Variants in GPR137C observed in about 807,000 individuals in gnomAD.
The protein encoded by GPR137C is integral membrane protein GPR137C.
In GPR137C, 27 loss-of-function variants were observed where a neutral mutation model predicts 43.4. That is an observed-to-expected ratio of 0.62 (90% CI 0.46 to 0.86). GPR137C has a LOEUF of 0.86. Ranked by LOEUF, GPR137C falls within the 40% of genes least tolerant of loss-of-function variation. The probability of loss-of-function intolerance (pLI) is 0.00; values close to 1 mark genes in which losing one functional copy is unlikely to be tolerated. For missense variants in GPR137C, 522 were observed against 534.6 expected (o/e 0.98, Z 0.23); for synonymous variants, 285 against 226.9 (o/e 1.26, Z -2.30).
At chr14:52,589,717 A>C (rs1243143469) in intron 1 of GPR137C, among the ~76,000 whole-genome samples, 1 of 152,204 alleles carries the variant, frequency 6.6e-6, no homozygotes, top group Non-Finnish European at 1.5e-5. Context: ...CTCACCCCAC[A>C]TACAACAGTG....
chr14:52,597,699 A>G (rs1380266501), intron 1 of GPR137C, among the ~76,000 whole-genome samples: 7 of 152,170 alleles, frequency 4.6e-5, no homozygotes, highest in African/African-American at 1.4e-4. Context: ...GTTTATTTCA[A>G]ATTTGGTTTA....
At chr14:52,609,474 GA>G in intron 3 of GPR137C, among the ~76,000 whole-genome samples, 2 of 152,276 alleles carry the variant, frequency 1.3e-5, no homozygotes, top group South Asian at 4.1e-4. Context: ...GTGGAAGTAT[GA>G]CGGTGTCTAC....
chr14:52,592,574 T>A (rs1477772499), intron 1 of GPR137C, among the ~76,000 whole-genome samples: 1 of 152,178 alleles, frequency 6.6e-6, no homozygotes, highest in Admixed American at 6.5e-5. Context: ...TTCTTAGGTA[T>A]TTTATTCTCT....
chr14:52,572,890 T>G (rs950127142), intron 1 of GPR137C, among the ~76,000 whole-genome samples: 3 of 152,196 alleles, frequency 2.0e-5, no homozygotes, highest in African/African-American at 7.2e-5. Flanking sequence ...ACAAGCAACT[T>G]CAGCAAAGTC....
At chr14:52,590,226 A>C (rs1313531580) in intron 1 of GPR137C, among the ~76,000 whole-genome samples, 1 of 151,778 alleles carries the variant, frequency 6.6e-6, no homozygotes, top group Non-Finnish European at 1.5e-5. Flanking sequence ...AAAAGTAAAA[A>C]ATAAAAATGA....
Position 52,598,324 on chromosome 14 carries a change from T to C in GPR137C, c.488+9T>C, listed in dbSNP as rs2038881358. On this transcript the variant is annotated intron_variant, in intron 2 of 6. Coordinates refer to ENST00000321662, the MANE Select transcript of GPR137C (RefSeq NM_001099652.2). ...GAACTTGACAGACACAAGTAAGTTT[T>C]ATGAGTATCTAAATTTCTATCTAAA... 1.7e-6 allele frequency: 2 copies of C among 1,207,528 alleles called. No individual in the cohort carries two copies. The highest frequency in any genetic ancestry group is 2.2e-5 in the Admixed American group (1 of 45,178). 74.8% of individuals were successfully genotyped at this position (1,207,528 alleles called of 1,614,324 possible).
intron 1 of GPR137C, among the ~76,000 whole-genome samples, chr14:52,585,776 A>G (rs572651097): frequency 6.6e-6 from 1 of 152,192 alleles, no homozygotes; most frequent in Non-Finnish European, 1.5e-5. Context: ...CAGAGGTTGC[A>G]GTGAGCTGAG....
intron 1 of GPR137C, among the ~76,000 whole-genome samples, chr14:52,569,294 C>T (rs900887783): frequency 2.6e-5 from 4 of 151,620 alleles, no homozygotes; most frequent in Non-Finnish European, 2.9e-5. Context: ...AGAGCACTGG[C>T]GTCAAAGACC....
At chr14:52,630,105 C>A (rs2139581284) in intron 3 of GPR137C, among the ~76,000 whole-genome samples, 1 of 152,206 alleles carries the variant, frequency 6.6e-6, no homozygotes, top group African/African-American at 2.4e-5. Flanking sequence ...GGGGGTGAAT[C>A]TTTTGTTTTC....
intron 3 of GPR137C, among the ~76,000 whole-genome samples, chr14:52,631,413 A>G (rs758581039): frequency 6.6e-5 from 10 of 152,200 alleles, no homozygotes; most frequent in Non-Finnish European, 1.5e-4. Context: ...TTTGGCAAGG[A>G]TGTCACAGAG....
chr14:52,590,079 G>A (rs1275643609), intron 1 of GPR137C, among the ~76,000 whole-genome samples: 9 of 152,124 alleles, frequency 5.9e-5, no homozygotes, highest in South Asian at 2.1e-4. Context: ...TGACAGCTCC[G>A]TGCATGTTAT....
At chr14:52,556,475 G>A (rs2038196245) in intron 1 of GPR137C, among the ~76,000 whole-genome samples, 2 of 148,282 alleles carry the variant, frequency 1.3e-5, no homozygotes, top group Non-Finnish European at 3.0e-5. Context: ...AAGCTTCTCA[G>A]TGTCTCATAC....
chr14:52,604,444 C>CTT (rs567318921), intron 3 of GPR137C, among the ~76,000 whole-genome samples: 2 of 142,254 alleles, frequency 1.4e-5, no homozygotes, highest in Non-Finnish European at 3.1e-5. Context: ...AGAGATGGGG[C>CTT]TTTTTTTTTT....
rs772406948 is a variant in GPR137C, at chr14:52,553,350, T to A, written c.203T>A (p.Leu68Gln). Residue 68 changes from leucine (L) to glutamine (Q), a missense_variant, in exon 1 of 7, where the codon CTG becomes CAG. This residue lies in a region of GPR137C where 437 missense variants were observed against 425.7 expected (regional missense o/e 1.03). Coordinates refer to ENST00000321662, the MANE Select transcript of GPR137C (RefSeq NM_001099652.2). The part of the protein sequence containing the change: ...AALFAFAYLQ[L>Q]WRLLLYRERR... ...CTGTTCGCCTTTGCCTACCTGCAGC[T>A]GTGGCGGCTGCTCCTGTACCGCGAG... 1 of 1,601,934 alleles carries A rather than the reference T, an allele frequency of 6.2e-7. No homozygotes were observed. Among genetic ancestry groups the A allele is most frequent in the South Asian group, 1.1e-5 (1 of 90,544 alleles).
intron 1 of GPR137C, among the ~76,000 whole-genome samples, chr14:52,590,835 T>G (rs537803926): frequency 6.6e-6 from 1 of 152,234 alleles, no homozygotes; most frequent in African/African-American, 2.4e-5. Flanking sequence ...TTGTTGTTTG[T>G]TTTGTTTTTT....
At chr14:52,609,560 T>C (rs2139546069) in intron 3 of GPR137C, among the ~76,000 whole-genome samples, 1 of 152,354 alleles carries the variant, frequency 6.6e-6, no homozygotes, top group East Asian at 1.9e-4. Flanking sequence ...TCAGAGGGCC[T>C]TCCAGGGATT....
chr14:52,576,560 T>A (rs534158027), intron 1 of GPR137C, among the ~76,000 whole-genome samples: 1 of 152,226 alleles, frequency 6.6e-6, no homozygotes, highest in African/African-American at 2.4e-5. Context: ...CATTAAGTTG[T>A]ACTGAAAGAG....
At chr14:52,569,151 C>T (rs879833814) in intron 1 of GPR137C, among the ~76,000 whole-genome samples, 1 of 152,180 alleles carries the variant, frequency 6.6e-6, no homozygotes, top group Admixed American at 6.5e-5. Flanking sequence ...GATACCCAGG[C>T]AAACAGGGTC....
intron 1 of GPR137C, among the ~76,000 whole-genome samples, chr14:52,571,648 G>A (rs1207505955): frequency 2.0e-5 from 3 of 151,948 alleles, no homozygotes; most frequent in African/African-American, 7.3e-5. Context: ...CACTCCAGGG[G>A]GCCGTGTGAG....
Sources: allele counts gnomAD v4.1 joint callset (sites outside exome capture counted in the v4.1 genomes callset), GRCh38; gene constraint gnomAD v4.1.1; regional missense constraint gnomAD v4.1.1; transcripts MANE v1.5; gene names NCBI Gene and HGNC (gene_info 2026-07-23, HGNC 2026-07-21).